Variants in RNF32 observed in about 807,000 individuals in gnomAD.
RNF32 encodes the protein ring finger protein 32.
Under a neutral mutation model 41.0 loss-of-function variants are expected in RNF32, and 36 were observed. The observed-to-expected ratio is 0.88, with a 90% CI of 0.67 to 1.16. The LOEUF is 1.16. Among genes scored for constraint, RNF32 ranks in the 50% most tolerant of loss-of-function variants. The pLI is 0.00. For synonymous variants in RNF32, 154 were observed against 160.9 expected (o/e 0.96, Z 0.32); for missense variants, 413 against 436.7 (o/e 0.95, Z 0.48).
chr7:156,640,527 G>A (rs752191503), upstream of RNF32: 12 of 365,330 alleles, frequency 3.3e-5, no homozygotes, highest in Non-Finnish European at 5.3e-5. Flanking sequence ...AGCCTCGACG[G>A]GAACGCACCT....
chr7:156,650,444 A>G (rs1019122736), intron 3 of RNF32, among the ~76,000 whole-genome samples: 1 of 152,178 alleles, frequency 6.6e-6, no homozygotes, highest in Non-Finnish European at 1.5e-5. Flanking sequence ...ATTTCCACTG[A>G]CGCGCAGTGG....
chr7:156,642,322 T>C (rs990815710), intron 1 of RNF32, among the ~76,000 whole-genome samples: 1 of 152,196 alleles, frequency 6.6e-6, no homozygotes, highest in Non-Finnish European at 1.5e-5. Context: ...ACTTCTAATA[T>C]GAAACACTGA....
rs771521330 is a variant in RNF32 at position 156,676,440 on chromosome 7, G to C, written c.874G>C (p.Glu292Gln). Residue 292 changes from glutamate (E) to glutamine (Q), a missense_variant, in exon 9 of 9, where the codon GAG becomes CAG. By Grantham distance (29) the Glu-to-Gln change is conservative. Coordinates refer to ENST00000317955, the MANE Select transcript of RNF32 (RefSeq NM_030936.4). ...QVQALRRETH[E>Q]CSICLAPLSA... is the part of the protein sequence containing the mutation. ...GCAGGCTCTGCGCCGGGAGACCCAC[G>C]AGTGCTCCATCTGCCTGGCCCCTCT... is the stretch of plus-strand genomic sequence containing the variant. The C allele has an allele frequency of 6.2e-7, 1 of 1,613,926 alleles. No individual in the cohort carries two copies. Among genetic ancestry groups the C allele is most frequent in the African/African-American group, 1.3e-5 (1 of 74,938 alleles).
rs1316505781 is a variant in RNF32, at chr7:156,670,679, CAGA to C, written c.685-5014_685-5012del. Among the ~76,000 whole-genome samples the C allele has an allele frequency of 7.9e-5, 12 of 152,128 alleles. No homozygotes were observed. Among genetic ancestry groups the C allele is most frequent in the African/African-American group, 2.9e-4 (12 of 41,422 alleles). On this transcript the variant is annotated intron_variant, in intron 7 of 8. Transcript: ENST00000317955. The surrounding 1 kb of genome is among the most constrained non-coding windows in gnomAD (Gnocchi z 4.3). ...CCTGCAGATTTCCCAGTGGGAGCGG[CAGA>C]AGGTGAGATGGCATCTCCGTGTGTC...
chr7:156,644,968 G>GT (rs1797805366), intron 3 of RNF32, among the ~76,000 whole-genome samples: 1 of 152,104 alleles, frequency 6.6e-6, no homozygotes, highest in Admixed American at 6.5e-5. Flanking sequence ...AGTAGAATAA[G>GT]TAAAAATGGG....
At position 156,662,934 on chromosome 7, in the gene RNF32, G is replaced by A. The variant is rs994431065; in HGVS notation, c.684+4364G>A. Among the ~76,000 whole-genome samples, 16 of 145,306 alleles carry A rather than the reference G, an allele frequency of 1.1e-4. 1 individual carries two copies. Among genetic ancestry groups the A allele is most frequent in the South Asian group, 2.2e-4 (1 of 4,512 alleles). On this transcript the variant is annotated intron_variant, in intron 7 of 8. Transcript: ENST00000317955. ...GCGATCTCGGCACACTGCAACCTCC[G>A]CCTCCCAGGTTCAGGCCATTCTCCT...
At chr7:156,675,667 G>A (rs752385975) in intron 7 of RNF32, 29 bp from the exon 8 acceptor site, 1 of 1,599,708 alleles carries the variant, frequency 6.3e-7, no homozygotes, top group Admixed American at 1.7e-5. Flanking sequence ...GCTCAGGTGT[G>A]AGCTTACCCG....
chr7:156,647,051 C>A (rs2131361671), intron 3 of RNF32, among the ~76,000 whole-genome samples: 1 of 152,232 alleles, frequency 6.6e-6, no homozygotes. Flanking sequence ...GGGGTTTTGC[C>A]ATGTTGGCCA....
Position 156,657,024 on chromosome 7 carries a change from G to A in RNF32, c.418-517G>A, listed in dbSNP as rs964802099. ...ACAGAAAGGTGAAGTTTTCTTGTGAGCACACTTTCCCTGCATTTAAAAAAG... is the reference window on the plus strand; with the variant it reads ...ACAGAAAGGTGAAGTTTTCTTGTGAACACACTTTCCCTGCATTTAAAAAAG... On this transcript the variant is annotated intron_variant, in intron 4 of 8. Coordinates refer to ENST00000317955, the MANE Select transcript of RNF32 (RefSeq NM_030936.4). 2.0e-5 allele frequency among the ~76,000 whole-genome samples: 3 copies of A among 152,192 alleles called. 1 individual carries two copies. The highest frequency in any genetic ancestry group is 7.2e-5 in the African/African-American group (3 of 41,442).
intron 7 of RNF32, among the ~76,000 whole-genome samples, chr7:156,661,688 C>T (rs1036641160): frequency 1.3e-5 from 2 of 152,198 alleles, no homozygotes; most frequent in East Asian, 3.8e-4. Flanking sequence ...ACGTAACTTT[C>T]GCAAAGCAAA....
intron 7 of RNF32, chr7:156,659,975 C>A (rs1251499608): frequency 2.0e-6 from 2 of 985,356 alleles, no homozygotes; most frequent in Non-Finnish European, 2.4e-6. Flanking sequence ...AGAGATGGAA[C>A]TTTACAAGGC....
At chr7:156,641,248 C>T (rs1441466067) in intron 1 of RNF32, among the ~76,000 whole-genome samples, 1 of 152,152 alleles carries the variant, frequency 6.6e-6, no homozygotes, top group African/African-American at 2.4e-5. Flanking sequence ...CACCAAGACC[C>T]TACGTAGGAT....
chr7:156,647,132 G>A (rs6948790), intron 3 of RNF32, among the ~76,000 whole-genome samples: 11,619 of 152,256 alleles, frequency 0.076, 568 homozygotes, highest in East Asian at 0.26. Flanking sequence ...GATTAAAGGC[G>A]TGAGTCACCA....
upstream of RNF32, chr7:156,640,572 G>T (rs1001716525): frequency 2.5e-6 from 1 of 401,764 alleles, no homozygotes; most frequent in Middle Eastern, 3.6e-4. Flanking sequence ...CGGGGCGGGG[G>T]CCGGCGAGCA....
chr7:156,656,040 C>T (rs1160179784), intron 4 of RNF32, among the ~76,000 whole-genome samples: 1 of 152,134 alleles, frequency 6.6e-6, no homozygotes, highest in African/African-American at 2.4e-5. Flanking sequence ...TTTGCATTTC[C>T]AGTGATCATT....
intron 4 of RNF32, among the ~76,000 whole-genome samples, chr7:156,655,382 C>T (rs900556540): frequency 6.6e-6 from 1 of 152,174 alleles, no homozygotes; most frequent in Non-Finnish European, 1.5e-5. Flanking sequence ...GTTGGGGACA[C>T]TTAGATTTAT....
Position 156,657,667 on chromosome 7 carries a change from CATTT to C in RNF32, c.450+99_450+102del, listed in dbSNP as rs1033621157. The C allele has an allele frequency of 1.9e-5, 23 of 1,194,490 alleles. No homozygotes were observed. In the African/African-American group the frequency reaches 2.8e-4, roughly 15 times the overall value. 74.0% of individuals were successfully genotyped at this position (1,194,490 alleles called of 1,614,324 possible). On this transcript the variant is annotated intron_variant, in intron 5 of 8. Transcript: ENST00000317955. ...CATTTTCAAGGCTCCTAAGGAGAGC[CATTT>C]ATTTTATTCATCACCACCATCTATA...
In RNF32 at chr7:156,652,137, A is replaced by G. The variant is rs1300268839; in HGVS notation, c.275-2439A>G. On this transcript the variant is annotated intron_variant, in intron 3 of 8. Coordinates refer to ENST00000317955, the MANE Select transcript of RNF32 (RefSeq NM_030936.4). ...TTTTCTCACATTTGATTGATAGCTA[A>G]TAAGGAATCTTGATATGGAAATCTT... 7.2e-5 allele frequency among the ~76,000 whole-genome samples: 11 copies of G among 152,352 alleles called. No homozygotes were observed. In the East Asian group the frequency reaches 2.1e-3, roughly 29 times the overall value.
At chr7:156,647,842 CTGT>C (rs1410200083) in intron 3 of RNF32, among the ~76,000 whole-genome samples, 1 of 152,170 alleles carries the variant, frequency 6.6e-6, no homozygotes, top group Non-Finnish European at 1.5e-5. Flanking sequence ...ACGCCAACAT[CTGT>C]TGTTTTGTGA....
Sources: allele counts gnomAD v4.1 joint callset (sites outside exome capture counted in the v4.1 genomes callset), GRCh38; gene constraint gnomAD v4.1.1; non-coding constraint Gnocchi (gnomAD v3.1); transcripts MANE v1.5; gene names NCBI Gene and HGNC (gene_info 2026-07-23, HGNC 2026-07-21).